Variants in SLIT3 observed in about 807,000 individuals in gnomAD.
The protein encoded by SLIT3 is slit guidance ligand 3, also known as slit homolog 3 protein.
In SLIT3, 68 loss-of-function variants were observed where a neutral mutation model predicts 184.0. That is an observed-to-expected ratio of 0.37 (90% CI 0.30 to 0.45). SLIT3 has a LOEUF of 0.45. Ranked by LOEUF, SLIT3 falls within the 20% of genes least tolerant of loss-of-function variation. The pLI, the probability that SLIT3 is intolerant of heterozygous loss-of-function variation, is 1.00. For synonymous variants in SLIT3, 831 were observed against 828.6 expected, an observed-to-expected ratio of 1.00 and a Z score of -0.05; for missense variants, 1,707 against 2,026.0, an observed-to-expected ratio of 0.84 and a Z score of 3.02.
intron 4 of SLIT3, among the ~76,000 whole-genome samples, chr5:169,107,927 G>A (rs1213205445): frequency 6.6e-6 from 1 of 152,134 alleles, no homozygotes; most frequent in Admixed American, 6.5e-5. Context: ...TCGATGATCG[G>A]GCTGAGATGC....
intron 20 of SLIT3, among the ~76,000 whole-genome samples, chr5:168,743,911 C>CT (rs1452439833): frequency 1.3e-5 from 2 of 152,234 alleles, no homozygotes; most frequent in African/African-American, 2.4e-5. Flanking sequence ...GGCCCTAACT[C>CT]TCCTTAATTC....
chr5:168,847,148 G>A (rs187823107), intron 5 of SLIT3, among the ~76,000 whole-genome samples: 1 of 152,222 alleles, frequency 6.6e-6, no homozygotes. Flanking sequence ...TCAGTGGGTG[G>A]CACAAGTTGA....
intron 16 of SLIT3, among the ~76,000 whole-genome samples, chr5:168,759,015 A>G (rs893913466): frequency 2.6e-5 from 4 of 152,218 alleles, no homozygotes; most frequent in African/African-American, 9.6e-5. Context: ...GGCTGTGTAT[A>G]TGGTGTACAT....
chr5:168,855,597 C>T (rs868857769), intron 5 of SLIT3, among the ~76,000 whole-genome samples: 1 of 152,138 alleles, frequency 6.6e-6, no homozygotes, highest in African/African-American at 2.4e-5. Context: ...GAAAACATTA[C>T]GCTAAGTGAA....
At chr5:169,062,328 T>C (rs1469683) in intron 4 of SLIT3, among the ~76,000 whole-genome samples, 9,054 of 152,310 alleles carry the variant, frequency 0.059, 377 homozygotes, top group East Asian at 0.21. Flanking sequence ...CCCATTTGTT[T>C]AGTGCTTATT....
At chr5:168,793,525 C>T (rs1304872002) in intron 10 of SLIT3, among the ~76,000 whole-genome samples, 1 of 152,120 alleles carries the variant, frequency 6.6e-6, no homozygotes, top group Non-Finnish European at 1.5e-5. Context: ...TAATAAATAT[C>T]AGTAGCATCA....
chr5:168,994,844 G>T (rs2337981), intron 4 of SLIT3, among the ~76,000 whole-genome samples: 23,085 of 151,360 alleles, frequency 0.15, 2,204 homozygotes, highest in Middle Eastern at 0.22. Flanking sequence ...GTTTCAGCAT[G>T]TTGGCCAGGC....
chr5:169,261,034 G>C (rs1369128992), intron 1 of SLIT3, among the ~76,000 whole-genome samples: 1 of 152,212 alleles, frequency 6.6e-6, no homozygotes, highest in Non-Finnish European at 1.5e-5. Flanking sequence ...AAATAAATGA[G>C]TATGGCTGTG....
intron 20 of SLIT3, among the ~76,000 whole-genome samples, chr5:168,736,445 T>A (rs1025225442): frequency 1.3e-5 from 2 of 152,198 alleles, no homozygotes; most frequent in Non-Finnish European, 2.9e-5. Flanking sequence ...TCTCTCTCCC[T>A]GGGCCAGAGA....
chr5:169,166,112 A>G (rs1431191612), intron 4 of SLIT3, among the ~76,000 whole-genome samples: 1 of 152,048 alleles, frequency 6.6e-6, no homozygotes. Flanking sequence ...ACCAAGCACT[A>G]CATTCTTTCA....
chr5:169,164,195 G>A (rs1311926976), intron 4 of SLIT3, among the ~76,000 whole-genome samples: 2 of 152,194 alleles, frequency 1.3e-5, no homozygotes, highest in Non-Finnish European at 2.9e-5. Context: ...TTCCATTGCA[G>A]GGCCTCTAAG....
At chr5:169,153,303 C>T (rs766184014) in intron 4 of SLIT3, among the ~76,000 whole-genome samples, 11 of 121,928 alleles carry the variant, frequency 9.0e-5, no homozygotes, top group African/African-American at 1.6e-4. Flanking sequence ...GGACAAGTAA[C>T]GATTTTCTCT....
intron 4 of SLIT3, among the ~76,000 whole-genome samples, chr5:169,110,952 C>T (rs1211656183): frequency 6.6e-6 from 1 of 152,190 alleles, no homozygotes; most frequent in Non-Finnish European, 1.5e-5. Flanking sequence ...GCTGTGGTGC[C>T]GCACAGTCTG....
intron 1 of SLIT3, among the ~76,000 whole-genome samples, chr5:169,252,291 G>A (rs958410257): frequency 1.3e-5 from 2 of 152,176 alleles, no homozygotes; most frequent in Non-Finnish European, 2.9e-5. Context: ...CATTTCACAT[G>A]TTAGGTAAAG....
chr5:168,990,191 A>G (rs1755273307), intron 4 of SLIT3, among the ~76,000 whole-genome samples: 2 of 152,180 alleles, frequency 1.3e-5, no homozygotes, highest in Admixed American at 6.5e-5. Context: ...ACCCTTGGCA[A>G]TTGCAGCCTT....
chr5:169,052,357 A>C (rs1342262616), intron 4 of SLIT3, among the ~76,000 whole-genome samples: 1 of 152,146 alleles, frequency 6.6e-6, no homozygotes, highest in Admixed American at 6.5e-5. Context: ...AGGCCACAAC[A>C]GATTTATAAG....
intron 4 of SLIT3, among the ~76,000 whole-genome samples, chr5:169,132,002 C>A (rs748269632): frequency 2.4e-4 from 36 of 151,998 alleles, no homozygotes; most frequent in Admixed American, 4.6e-4. Context: ...ACAGAAGGAG[C>A]CTGGGTCTTC....
intron 16 of SLIT3, among the ~76,000 whole-genome samples, chr5:168,759,494 C>T (rs1053930289): frequency 2.6e-5 from 4 of 152,148 alleles, no homozygotes; most frequent in African/African-American, 9.7e-5. Flanking sequence ...GACAGCCCTT[C>T]GGCAGTATGT....
At chr5:168,714,819 C>T (rs749788854) in intron 23 of SLIT3, among the ~76,000 whole-genome samples, 47 of 152,132 alleles carry the variant, frequency 3.1e-4, no homozygotes, top group Non-Finnish European at 1.0e-4. Context: ...AAGCAACTGT[C>T]AACTCTCAGT....
Sources: gnomAD v4.1 joint callset for allele counts (sites outside exome capture counted in the v4.1 genomes callset) on GRCh38, gnomAD v4.1.1 for gene constraint, MANE v1.5 for transcripts, NCBI Gene and HGNC (gene_info 2026-07-23, HGNC 2026-07-21) for gene names.